The following NIBAN1 variants were observed in gnomAD, a reference collection of about 807,000 sequenced individuals.
The protein encoded by NIBAN1 is niban apoptosis regulator 1, also known as protein Niban 1.
In NIBAN1, 81 loss-of-function variants were observed where a neutral mutation model predicts 75.1. That is an observed-to-expected ratio of 1.08 (90% CI 0.90 to 1.30). The LOEUF (loss-of-function observed/expected upper bound fraction) is 1.30. NIBAN1 is among the 50% of genes most tolerant of loss of function. The pLI, the probability that NIBAN1 is intolerant of heterozygous loss-of-function variation, is 0.00. For synonymous variants in NIBAN1, 436 were observed against 424.8 expected (o/e 1.03, Z -0.32); for missense variants, 1,133 against 1,128.1 (o/e 1.00, Z -0.06).
chr1:184,855,603 C>T (rs1655657053), intron 5 of NIBAN1, among the ~76,000 whole-genome samples: 1 of 152,188 alleles, frequency 6.6e-6, no homozygotes, highest in African/African-American at 2.4e-5. Context: ...CCCAGCACTC[C>T]TGGATCCCCT....
intron 1 of NIBAN1, among the ~76,000 whole-genome samples, chr1:184,920,915 C>A (rs997283064): frequency 2.0e-5 from 3 of 152,122 alleles, no homozygotes; most frequent in African/African-American, 7.2e-5. Context: ...AGGTGGATCA[C>A]CTGAGGTCAG....
At position 184,795,103 on chromosome 1, in the gene NIBAN1, A is replaced by G. The variant is rs1415599217; in HGVS notation, c.2661T>C (p.Arg887=). 6.8e-6 allele frequency: 11 copies of G among 1,614,080 alleles called. No homozygotes were observed. The highest frequency in any genetic ancestry group is 3.3e-5 in the South Asian group (3 of 91,088). The stretch of plus-strand genomic sequence containing the variant: ...CCACCACCCACTGACACTCATGAAT[A>G]CGGGCTACCTTGATCTCCTCTGCAT... The part of the protein sequence containing the change: ...SVNAEEIKVA[R]IHECQWVVED... Residue 887 remains arginine (R), a synonymous_variant, in exon 14 of 14, where the codon CGT becomes CGC. Transcript: ENST00000367511.
At chr1:184,901,468 CTA>C (rs1364629004) in intron 1 of NIBAN1, among the ~76,000 whole-genome samples, 1 of 152,162 alleles carries the variant, frequency 6.6e-6, no homozygotes, top group African/African-American at 2.4e-5. Context: ...CTATGCTTGT[CTA>C]TAATTTTCTT....
intron 1 of NIBAN1, among the ~76,000 whole-genome samples, chr1:184,962,323 T>C (rs1053255308): frequency 7.2e-5 from 11 of 152,216 alleles, no homozygotes; most frequent in African/African-American, 2.7e-4. Context: ...GACTGTTGTG[T>C]GTATTTGGTA....
chr1:184,875,171 T>C (rs1656200255), intron 5 of NIBAN1, among the ~76,000 whole-genome samples: 2 of 152,252 alleles, frequency 1.3e-5, no homozygotes, highest in Admixed American at 6.5e-5. Context: ...GAGAAATCTA[T>C]AGCATTTAAA....
chr1:184,874,589 T>C (rs530957243), intron 5 of NIBAN1, among the ~76,000 whole-genome samples: 1 of 152,108 alleles, frequency 6.6e-6, no homozygotes, highest in Non-Finnish European at 1.5e-5. Context: ...TGTATGTATA[T>C]GTGTGTGCTT....
At chr1:184,842,049 G>A (rs762216759) in intron 5 of NIBAN1, among the ~76,000 whole-genome samples, 2 of 152,182 alleles carry the variant, frequency 1.3e-5, no homozygotes, top group Non-Finnish European at 2.9e-5. Context: ...AGGAGGGAAC[G>A]TGGGAGGAGA....
chr1:184,957,068 C>A (rs1658508511), intron 1 of NIBAN1, among the ~76,000 whole-genome samples: 1 of 149,668 alleles, frequency 6.7e-6, no homozygotes, highest in Non-Finnish European at 1.5e-5. Flanking sequence ...CAAAAACCAA[C>A]AACAACACAA....
At chr1:184,859,575 C>T (rs1180044313) in intron 5 of NIBAN1, among the ~76,000 whole-genome samples, 1 of 152,042 alleles carries the variant, frequency 6.6e-6, no homozygotes, top group Non-Finnish European at 1.5e-5. Flanking sequence ...TGGAAACAAA[C>T]CAAAAAGGAT....
At chr1:184,930,388 G>A (rs973548467) in intron 1 of NIBAN1, among the ~76,000 whole-genome samples, 3 of 152,166 alleles carry the variant, frequency 2.0e-5, no homozygotes, top group African/African-American at 7.2e-5. Flanking sequence ...TCTGGAAGAG[G>A]AGGAGACTGA....
intron 1 of NIBAN1, among the ~76,000 whole-genome samples, chr1:184,911,489 C>A (rs1325920822): frequency 6.6e-6 from 1 of 152,156 alleles, no homozygotes; most frequent in African/African-American, 2.4e-5. Context: ...ATGAGTACCC[C>A]CTCCCTTAAT....
chr1:184,806,916 C>T (rs529419513), intron 10 of NIBAN1, among the ~76,000 whole-genome samples: 88 of 152,060 alleles, frequency 5.8e-4, no homozygotes, highest in African/African-American at 1.7e-3. Flanking sequence ...TACAGGTGTG[C>T]ACCACCATGC....
At chr1:184,853,536 C>T (rs940817101) in intron 5 of NIBAN1, among the ~76,000 whole-genome samples, 7 of 152,268 alleles carry the variant, frequency 4.6e-5, no homozygotes, top group Admixed American at 3.9e-4. Flanking sequence ...AAACAAAAAG[C>T]AAATTTGCCT....
chr1:184,884,729 G>A lies in NIBAN1; in HGVS notation c.505C>T (p.Pro169Ser). 2 of 1,614,218 alleles carry A rather than the reference G, an allele frequency of 1.2e-6. No homozygotes were observed. Among genetic ancestry groups the A allele is most frequent in the South Asian group, 2.2e-5 (2 of 91,090 alleles). Residue 169 changes from proline (P) to serine (S), a missense_variant, in exon 5 of 14, where the codon CCC (proline) becomes TCC (serine). Transcript: ENST00000367511. ...CAGAAGTAGCCGTGTCTGAAGAAGG[G>A]CTGCCACAGGTACACTGGGAATTCC... ...PKEFPVYLWQ[P>S]FFRHGYFCFH...
At chr1:184,866,346 G>T (rs999899739) in intron 5 of NIBAN1, among the ~76,000 whole-genome samples, 1 of 152,100 alleles carries the variant, frequency 6.6e-6, no homozygotes, top group African/African-American at 2.4e-5. Flanking sequence ...AAGGCCTTCA[G>T]AAAATCAAAT....
At chr1:184,922,907 T>C (rs1377273550) in intron 1 of NIBAN1, among the ~76,000 whole-genome samples, 1 of 152,138 alleles carries the variant, frequency 6.6e-6, no homozygotes, top group East Asian at 1.9e-4. Flanking sequence ...TCACGCCTGA[T>C]TTAACTTAGA....
intron 5 of NIBAN1, among the ~76,000 whole-genome samples, chr1:184,871,286 G>A (rs1457784502): frequency 5.0e-5 from 7 of 139,004 alleles, no homozygotes; most frequent in Admixed American, 4.8e-4. Context: ...GGTGGAGGGT[G>A]CAATGAGCTG....
Position 184,818,634 on chromosome 1 carries a change from C to T in NIBAN1, c.1173+4G>A. ...ACACCCAGCTCCTCAGCTTTGTATC[C>T]TACCTCCTTTAGCTGGACACTGTCT... is the stretch of plus-strand genomic sequence containing the variant. On this transcript the variant is annotated splice_donor_region_variant and intron_variant, in intron 9 of 13. Coordinates refer to ENST00000367511, the MANE Select transcript of NIBAN1 (RefSeq NM_052966.4). 2 of 1,585,886 alleles carry T rather than the reference C, an allele frequency of 1.3e-6. No individual in the cohort carries two copies. The highest frequency in any genetic ancestry group is 1.7e-6 in the Non-Finnish European group (2 of 1,160,330).
intron 3 of NIBAN1, 45 bp downstream of exon 3, chr1:184,894,030 T>C (rs928528917): frequency 3.2e-6 from 5 of 1,540,822 alleles, no homozygotes; most frequent in South Asian, 1.3e-5. Flanking sequence ...GAGCCAAACT[T>C]TTAAGAACAG....
Sources: gnomAD v4.1 joint callset for allele counts (sites outside exome capture counted in the v4.1 genomes callset) on GRCh38, gnomAD v4.1.1 for gene constraint, MANE v1.5 for transcripts, NCBI Gene and HGNC (gene_info 2026-07-23, HGNC 2026-07-21) for gene names.